Variants in BNC2 observed in about 807,000 individuals in gnomAD.
BNC2 encodes the protein basonuclin zinc finger protein 2, also known as zinc finger protein basonuclin-2.
BNC2 carries 20 observed loss-of-function variants against 76.3 expected under a neutral mutation model. The observed-to-expected ratio is 0.26, with a 90% confidence interval of 0.18 to 0.38. BNC2 has a LOEUF of 0.38. BNC2 is among the 10% of genes least tolerant of loss of function. The pLI, the probability that BNC2 is intolerant of heterozygous loss-of-function variation, is 1.00. For missense variants in BNC2, 1,382 were observed against 1,399.8 expected (o/e 0.99, Z 0.20); for synonymous variants, 582 against 514.8 (o/e 1.13, Z -1.77).
intron 5 of BNC2, among the ~76,000 whole-genome samples, chr9:16,462,502 A>T (rs1821605114): frequency 6.6e-6 from 1 of 152,188 alleles, no homozygotes; most frequent in Admixed American, 6.5e-5. Context: ...AATGATTAAC[A>T]CGAAGAGCCA....
chr9:16,807,592 G>A (rs1416120471), intron 1 of BNC2, among the ~76,000 whole-genome samples: 1 of 152,132 alleles, frequency 6.6e-6, no homozygotes, highest in Non-Finnish European at 1.5e-5. Flanking sequence ...TCCATGAAGA[G>A]AGGGACCTAA....
chr9:16,585,489 A>G (rs1819742583), intron 3 of BNC2, among the ~76,000 whole-genome samples: 1 of 152,190 alleles, frequency 6.6e-6, no homozygotes, highest in South Asian at 2.1e-4. Flanking sequence ...TATTTGTTTT[A>G]AATTCAGATT....
At chr9:16,446,503 AG>A (rs1380630273) in intron 5 of BNC2, among the ~76,000 whole-genome samples, 1 of 152,160 alleles carries the variant, frequency 6.6e-6, no homozygotes, top group Admixed American at 6.5e-5. Flanking sequence ...CACAATGGAA[AG>A]GATATATTTT....
chr9:16,727,495 A>G lies in BNC2; in HGVS notation c.330+302T>C. 6.1e-6 allele frequency: 2 copies of G among 329,666 alleles called. 1 individual carries two copies. Among genetic ancestry groups the G allele is most frequent in the East Asian group, 1.2e-4 (2 of 16,954 alleles). The allele number at this position is 329,666 out of a possible 1,614,324, so 20.4% of individuals were successfully genotyped here. ...GTGGCTTTTTTCATTCTCAACAGAA[A>G]ACAAAGAAATAAATTAAGTCTTCCC... On this transcript the variant is annotated intron_variant, in intron 3 of 6. Transcript: ENST00000380672.
chr9:16,480,813 G>A (rs77572383), intron 5 of BNC2, among the ~76,000 whole-genome samples: 5 of 152,118 alleles, frequency 3.3e-5, no homozygotes, highest in African/African-American at 7.2e-5. Flanking sequence ...GCTCCTGTGC[G>A]GCCTGAGCCT....
At chr9:16,818,895 T>C (rs1366589107) in intron 1 of BNC2, among the ~76,000 whole-genome samples, 1 of 152,060 alleles carries the variant, frequency 6.6e-6, no homozygotes, top group Non-Finnish European at 1.5e-5. Context: ...GTACTTTAGC[T>C]AGAGAATACT....
chr9:16,653,914 C>T (rs368827195), intron 3 of BNC2, among the ~76,000 whole-genome samples: 46 of 152,172 alleles, frequency 3.0e-4, no homozygotes, highest in East Asian at 2.3e-3. Context: ...CTTTGCTTTT[C>T]GCCTCCCCCA....
intron 1 of BNC2, among the ~76,000 whole-genome samples, chr9:16,858,737 T>C (rs1041266103): frequency 6.6e-6 from 1 of 151,624 alleles, no homozygotes; most frequent in African/African-American, 2.4e-5. Flanking sequence ...TCCCAGCTAC[T>C]CGGGAGGCTG....
chr9:16,681,803 G>C (rs1822829489), intron 3 of BNC2, among the ~76,000 whole-genome samples: 1 of 152,172 alleles, frequency 6.6e-6, no homozygotes, highest in African/African-American at 2.4e-5. Flanking sequence ...GTCAAGCATA[G>C]ACCGCCTGGT....
At chr9:16,857,957 T>C (rs934371735) in intron 1 of BNC2, among the ~76,000 whole-genome samples, 2 of 152,226 alleles carry the variant, frequency 1.3e-5, no homozygotes, top group Non-Finnish European at 1.5e-5. Context: ...AATTCAACGA[T>C]GAGGTATTTT....
chr9:16,830,063 TAGA>T (rs998974154), intron 1 of BNC2, among the ~76,000 whole-genome samples: 2 of 152,202 alleles, frequency 1.3e-5, no homozygotes, highest in African/African-American at 4.8e-5. Context: ...GTGAAAAGCC[TAGA>T]AGGTCTGTAA....
At chr9:16,607,249 G>A (rs1349015506) in intron 3 of BNC2, among the ~76,000 whole-genome samples, 1 of 152,180 alleles carries the variant, frequency 6.6e-6, no homozygotes, top group East Asian at 1.9e-4. Context: ...GTGGTATCCA[G>A]TTTTAAAAAG....
intron 6 of BNC2, among the ~76,000 whole-genome samples, chr9:16,433,214 T>C (rs545741871): frequency 6.6e-6 from 1 of 152,358 alleles, no homozygotes; most frequent in African/African-American, 2.4e-5. Flanking sequence ...AGAACTTGTG[T>C]GTTTCTAACC....
At chr9:16,431,096 G>T (rs1409607763) in intron 6 of BNC2, among the ~76,000 whole-genome samples, 1 of 152,140 alleles carries the variant, frequency 6.6e-6, no homozygotes, top group Non-Finnish European at 1.5e-5. Context: ...CATGTAGGAT[G>T]AAAAAGAGAC....
intron 1 of BNC2, among the ~76,000 whole-genome samples, chr9:16,852,482 T>C (rs2136163063): frequency 6.6e-6 from 1 of 152,290 alleles, no homozygotes; most frequent in Middle Eastern, 3.4e-3. Flanking sequence ...CAATCATATG[T>C]GAGATATTCA....
At chr9:16,718,608 A>T (rs1285316689) in intron 3 of BNC2, among the ~76,000 whole-genome samples, 1 of 152,178 alleles carries the variant, frequency 6.6e-6, no homozygotes, top group Non-Finnish European at 1.5e-5. Context: ...ACTTGCTGAA[A>T]ATGGCAGTTC....
intron 3 of BNC2, among the ~76,000 whole-genome samples, chr9:16,680,974 G>C (rs912985215): frequency 6.6e-6 from 1 of 152,140 alleles, no homozygotes; most frequent in African/African-American, 2.4e-5. Context: ...CTCCCTCTTA[G>C]ATGGCTTTTT....
chr9:16,607,927 C>A (rs1005862504), intron 3 of BNC2, among the ~76,000 whole-genome samples: 1 of 152,100 alleles, frequency 6.6e-6, no homozygotes, highest in Non-Finnish European at 1.5e-5. Context: ...ACAGGGTTCC[C>A]AGGATCCCCA....
chr9:16,514,446 T>A (rs552919084), intron 5 of BNC2, among the ~76,000 whole-genome samples: 1 of 152,264 alleles, frequency 6.6e-6, no homozygotes, highest in East Asian at 1.9e-4. Context: ...GCCAGAATCT[T>A]TTGTTATGTG....
Sources: allele counts gnomAD v4.1 joint callset (sites outside exome capture counted in the v4.1 genomes callset), GRCh38; gene constraint gnomAD v4.1.1; transcripts MANE v1.5; gene names NCBI Gene and HGNC (gene_info 2026-07-23, HGNC 2026-07-21).